DACH2: variants seen among roughly 807,000 people sequenced by gnomAD.
DACH2 encodes the protein dachshund homolog 2.
DACH2 carries 17 observed loss-of-function variants against 35.8 expected under a neutral mutation model. That is an observed-to-expected ratio of 0.48 (90% confidence interval 0.33 to 0.71). The LOEUF is 0.71. Ranked by LOEUF, DACH2 falls within the 30% of genes least tolerant of loss-of-function variation. DACH2 has a pLI of 0.02. For missense variants in DACH2, 469 were observed against 472.7 expected, an observed-to-expected ratio of 0.99 and a Z score of 0.07; for synonymous variants, 195 against 177.3, an observed-to-expected ratio of 1.10 and a Z score of -0.79.
At chrX:86,244,862 C>G (rs2033245763) in intron 1 of DACH2, among the ~76,000 whole-genome samples, 1 of 111,899 alleles carries the variant, frequency 8.9e-6, no homozygotes, top group Non-Finnish European at 1.9e-5. Context: ...ATTATAGAAA[C>G]AGAAAATACT....
chrX:86,244,205 T>C (rs1343965299), intron 1 of DACH2, among the ~76,000 whole-genome samples: 3 of 111,310 alleles, frequency 2.7e-5, no homozygotes, highest in Admixed American at 1.9e-4. Context: ...ATTGAGTACA[T>C]CAATCTGAGT....
At chrX:86,642,285 GA>G (rs2040356441) in intron 3 of DACH2, among the ~76,000 whole-genome samples, 1 of 110,805 alleles carries the variant, frequency 9.0e-6, no homozygotes, top group Non-Finnish European at 1.9e-5. Flanking sequence ...ATGGAAAACA[GA>G]AAAAAACAGG....
chrX:86,506,431 T>G (rs2038324454), intron 2 of DACH2, among the ~76,000 whole-genome samples: 1 of 111,816 alleles, frequency 8.9e-6, no homozygotes, highest in South Asian at 3.7e-4. Flanking sequence ...TGTTGCTGTC[T>G]CACCCAGGCT....
chrX:86,501,433 C>A (rs1026289827), intron 2 of DACH2, among the ~76,000 whole-genome samples: 2 of 111,969 alleles, frequency 1.8e-5, no homozygotes, highest in Non-Finnish European at 3.8e-5. Flanking sequence ...CATTAACTTT[C>A]TGGAAGACAG....
At chrX:86,155,250 G>T (rs1313741347) in intron 1 of DACH2, among the ~76,000 whole-genome samples, 1 of 110,293 alleles carries the variant, frequency 9.1e-6, no homozygotes, top group Non-Finnish European at 1.9e-5. Context: ...ACCCCTTCAG[G>T]ATTTAATATT....
At position 86,599,261 on chromosome X, in the gene DACH2, T is replaced by G. The variant is rs186643745; in HGVS notation, c.641-51775T>G. Among the ~76,000 whole-genome samples the G allele has an allele frequency of 3.5e-3, 394 of 111,165 alleles. 2 individuals are homozygous for G. Among genetic ancestry groups the G allele is most frequent in the African/African-American group, 0.012 (376 of 30,595 alleles). ...AAAACCTGCATCACTGCTCTGGAGT[T>G]GGGGGTAAGGAGGGTGGCTCATTTC... On this transcript the variant is annotated intron_variant, in intron 3 of 11. Coordinates refer to ENST00000373125, the MANE Select transcript of DACH2 (RefSeq NM_053281.3).
chrX:86,465,797 AT>A (rs755340674), intron 2 of DACH2, among the ~76,000 whole-genome samples: 2 of 112,024 alleles, frequency 1.8e-5, no homozygotes, highest in Non-Finnish European at 3.8e-5. Context: ...CCTATATGCC[AT>A]TGATTTTCTA....
intron 2 of DACH2, among the ~76,000 whole-genome samples, chrX:86,404,066 A>G (rs1190221942): frequency 4.5e-5 from 5 of 110,524 alleles, no homozygotes; most frequent in Admixed American, 9.6e-5. Context: ...CCGTGATTCA[A>G]TAACCTCCCA....
At chrX:86,776,583 G>A (rs2042034549) in intron 7 of DACH2, among the ~76,000 whole-genome samples, 1 of 111,447 alleles carries the variant, frequency 9.0e-6, no homozygotes, top group Non-Finnish European at 1.9e-5. Context: ...TGGGACAAAA[G>A]TTTTTATTAT....
chrX:86,594,431 A>T (rs62593332), intron 3 of DACH2, among the ~76,000 whole-genome samples: 6,764 of 111,616 alleles, frequency 0.061, 160 homozygotes, highest in Middle Eastern at 0.089. Context: ...AAGCATGGAT[A>T]ACCTATTTTC....
chrX:86,311,289 G>C (rs775422216), intron 1 of DACH2, among the ~76,000 whole-genome samples: 2 of 111,881 alleles, frequency 1.8e-5, no homozygotes, highest in Admixed American at 1.9e-4. Flanking sequence ...ACACAGCATT[G>C]CCTCTGATGA....
At chrX:86,399,545 C>T (rs909156839) in intron 2 of DACH2, among the ~76,000 whole-genome samples, 1 of 111,770 alleles carries the variant, frequency 8.9e-6, no homozygotes, top group Non-Finnish European at 1.9e-5. Context: ...ATGTTTAGTG[C>T]TTCCTTCAGG....
At chrX:86,686,714 C>A (rs1364458726) in intron 4 of DACH2, among the ~76,000 whole-genome samples, 1 of 111,633 alleles carries the variant, frequency 9.0e-6, no homozygotes, top group Admixed American at 9.5e-5. Context: ...TATCTTTTAA[C>A]CAGAGTGTAT....
At chrX:86,274,650 A>G (rs1355888751) in intron 1 of DACH2, among the ~76,000 whole-genome samples, 6 of 107,543 alleles carry the variant, frequency 5.6e-5, no homozygotes, top group Non-Finnish European at 7.7e-5. Flanking sequence ...GCCTGCCACC[A>G]CGCCCGGTTA....
intron 2 of DACH2, among the ~76,000 whole-genome samples, chrX:86,424,102 T>C (rs2036852411): frequency 9.0e-6 from 1 of 110,945 alleles, no homozygotes; most frequent in African/African-American, 3.3e-5. Flanking sequence ...TAGTATAGTT[T>C]GCAGTCAGGT....
chrX:86,485,004 A>G (rs964477466), intron 2 of DACH2, among the ~76,000 whole-genome samples: 4 of 111,869 alleles, frequency 3.6e-5, no homozygotes, highest in African/African-American at 1.3e-4. Flanking sequence ...GTCTCCGTCC[A>G]CTTTATTCTT....
At chrX:86,609,387 T>C (rs2039900052) in intron 3 of DACH2, among the ~76,000 whole-genome samples, 2 of 112,358 alleles carry the variant, frequency 1.8e-5, no homozygotes, top group Non-Finnish European at 3.8e-5. Context: ...TTGAATTTCT[T>C]TGTGTTTCTT....
intron 3 of DACH2, among the ~76,000 whole-genome samples, chrX:86,580,956 A>G (rs957656757): frequency 4.5e-5 from 5 of 111,519 alleles, no homozygotes; most frequent in African/African-American, 6.5e-5. Context: ...CAAGGTCAAC[A>G]TGAAATTTTA....
At chrX:86,261,484 T>C (rs765579003) in intron 1 of DACH2, among the ~76,000 whole-genome samples, 6 of 112,064 alleles carry the variant, frequency 5.4e-5, no homozygotes, top group Admixed American at 9.5e-5. Flanking sequence ...GACTCCATTT[T>C]CTACTGCCTT....
Sources: gnomAD v4.1 joint callset for allele counts (sites outside exome capture counted in the v4.1 genomes callset) on GRCh38, gnomAD v4.1.1 for gene constraint, MANE v1.5 for transcripts, NCBI Gene and HGNC (gene_info 2026-07-23, HGNC 2026-07-21) for gene names.